COMMD7: variants seen among roughly 807,000 people sequenced by gnomAD.
The protein encoded by COMMD7 is COMM domain containing 7, also known as COMM domain-containing protein 7.
A neutral mutation model predicts 34.8 loss-of-function variants in COMMD7; 28 were observed. The ratio of observed to expected loss-of-function variants is 0.80; its 90% CI spans 0.60 to 1.10. The LOEUF (loss-of-function observed/expected upper bound fraction) is 1.10. COMMD7 is among the 50% of genes least tolerant of loss of function. The pLI is 0.00. For missense variants in COMMD7, 211 were observed against 241.6 expected (o/e 0.87, Z 0.84); for synonymous variants, 80 against 86.4 (o/e 0.93, Z 0.41).
At chr20:32,732,806 G>C (rs1321184604) in intron 1 of COMMD7, among the ~76,000 whole-genome samples, 1 of 151,736 alleles carries the variant, frequency 6.6e-6, no homozygotes, top group Non-Finnish European at 1.5e-5. Flanking sequence ...CTTGGAAGTG[G>C]GCGCCTGTAG....
At chr20:32,707,270 C>T (rs28495034) in intron 3 of COMMD7, among the ~76,000 whole-genome samples, 10 of 124,336 alleles carry the variant, frequency 8.0e-5, no homozygotes, top group South Asian at 2.8e-4. Context: ...GGCAACAGAG[C>T]GAGACTCCGT....
chr20:32,705,077 A>C (rs1983984548), intron 5 of COMMD7, among the ~76,000 whole-genome samples, 173 bp from the exon 6 acceptor site: 1 of 152,036 alleles, frequency 6.6e-6, no homozygotes, highest in South Asian at 2.1e-4. Flanking sequence ...CTAGGGATGG[A>C]GGAGGGCACA....
At chr20:32,729,167 A>ATTTT (rs777073115) in intron 1 of COMMD7, among the ~76,000 whole-genome samples, 1 of 122,986 alleles carries the variant, frequency 8.1e-6, no homozygotes, top group South Asian at 2.7e-4. Context: ...GCTTATTTTG[A>ATTTT]TTTTTTTTTT....
At chr20:32,730,635 A>G (rs773115270) in intron 1 of COMMD7, among the ~76,000 whole-genome samples, 38 of 152,166 alleles carry the variant, frequency 2.5e-4, no homozygotes, top group Non-Finnish European at 4.0e-4. Context: ...CCAGGGTTTA[A>G]AAGACCCAGT....
chr20:32,703,781 C>A (rs1379326107), intron 8 of COMMD7: 19 of 1,511,042 alleles, frequency 1.3e-5, no homozygotes, highest in Non-Finnish European at 1.7e-5. Context: ...CAATCCCAGC[C>A]ATTCCGTTCC....
chr20:32,715,806 C>A (rs1440999682), intron 3 of COMMD7, among the ~76,000 whole-genome samples: 2 of 150,722 alleles, frequency 1.3e-5, no homozygotes, highest in Non-Finnish European at 3.0e-5. Flanking sequence ...GATTCTGTCT[C>A]AAAAAAAATA....
At chr20:32,711,911 G>A (rs533844845) in intron 3 of COMMD7, among the ~76,000 whole-genome samples, 3 of 152,128 alleles carry the variant, frequency 2.0e-5, no homozygotes, top group African/African-American at 4.8e-5. Context: ...TGGGCTGGGC[G>A]TGGTGGCTCG....
chr20:32,703,705 G>C, intron 8 of COMMD7: 1 of 1,439,682 alleles, frequency 6.9e-7, no homozygotes, highest in Non-Finnish European at 9.1e-7. Flanking sequence ...GAGATGAAAG[G>C]GTATCATTCG....
intron 3 of COMMD7, among the ~76,000 whole-genome samples, chr20:32,719,867 G>A (rs1230294549): frequency 1.3e-5 from 2 of 152,076 alleles, no homozygotes; most frequent in Admixed American, 6.6e-5. Flanking sequence ...GGTTAAGACA[G>A]GAGAATCATT....
intron 3 of COMMD7, among the ~76,000 whole-genome samples, chr20:32,722,962 T>C (rs1200743125): frequency 1.3e-5 from 2 of 151,044 alleles, no homozygotes; most frequent in Non-Finnish European, 2.9e-5. Context: ...GAGCTTGCAG[T>C]GAGCTGAGAT....
At chr20:32,705,582 G>C (rs1007489889) in intron 5 of COMMD7, among the ~76,000 whole-genome samples, 5 of 151,692 alleles carry the variant, frequency 3.3e-5, no homozygotes, top group East Asian at 1.9e-4. Flanking sequence ...ACCATGTTAG[G>C]CAGGATGATC....
intron 3 of COMMD7, among the ~76,000 whole-genome samples, chr20:32,717,356 C>A (rs1275687508): frequency 6.8e-6 from 1 of 147,280 alleles, no homozygotes; most frequent in Non-Finnish European, 1.5e-5. Flanking sequence ...GACAGAGTCT[C>A]ACTCTGTCAC....
chr20:32,742,384 GA>G (rs1171059562), intron 1 of COMMD7: 2 of 152,092 alleles, frequency 1.3e-5, no homozygotes, highest in African/African-American at 4.8e-5. Context: ...GTATGGAGAT[GA>G]AAGAAGAGGG....
chr20:32,724,951 TAAAAAAAAAA>T lies in COMMD7; in HGVS notation c.241+2932_241+2941del, dbSNP rs1175774267. ...AGAATTATCAATAAAAAAATAAATT[TAAAAAAAAAA>T]AAAAAAAAAAAAAGACTTGTGGTTC... is the stretch of plus-strand genomic sequence containing the variant. On this transcript the variant is annotated intron_variant, in intron 3 of 8. Transcript: ENST00000278980. 8.6e-4 allele frequency among the ~76,000 whole-genome samples: 12 copies of T among 13,874 alleles called. 4 individuals are homozygous for T. Among genetic ancestry groups the T allele is most frequent in the African/African-American group, 2.8e-3 (12 of 4,312 alleles). The allele number at this position is 13,874 out of a possible 152,430, so 9.1% of individuals were successfully genotyped here.
chr20:32,721,084 G>C (rs1245157436), intron 3 of COMMD7, among the ~76,000 whole-genome samples: 1 of 152,224 alleles, frequency 6.6e-6, no homozygotes, highest in Non-Finnish European at 1.5e-5. Context: ...TATCTCAGAT[G>C]CTGGAAGGGG....
intron 3 of COMMD7, among the ~76,000 whole-genome samples, chr20:32,717,563 C>T (rs897725397): frequency 2.6e-5 from 4 of 150,960 alleles, no homozygotes; most frequent in East Asian, 4.0e-4. Flanking sequence ...TGACCTCAAG[C>T]GATCCGCCCA....
chr20:32,705,157 G>A (rs1406076860), intron 5 of COMMD7, among the ~76,000 whole-genome samples: 1 of 151,834 alleles, frequency 6.6e-6, no homozygotes, highest in African/African-American at 2.4e-5. Context: ...AAAAAAAACA[G>A]TGCTGCCATC....
At chr20:32,704,592 C>G in intron 6 of COMMD7, 103 bp from the exon 7 acceptor site, 1 of 1,268,556 alleles carries the variant, frequency 7.9e-7, no homozygotes, top group South Asian at 1.4e-5. Flanking sequence ...CCAGCAGAAG[C>G]CATGTGGGGG....
At chr20:32,704,970 A>G in intron 5 of COMMD7, 66 bp from the exon 6 acceptor site, 2 of 1,154,684 alleles carry the variant, frequency 1.7e-6, no homozygotes, top group South Asian at 2.5e-5. Context: ...ATCCTGCCCT[A>G]AACATTGCAA....
Sources: gnomAD v4.1 joint callset for allele counts (sites outside exome capture counted in the v4.1 genomes callset) on GRCh38, gnomAD v4.1.1 for gene constraint, MANE v1.5 for transcripts, NCBI Gene and HGNC (gene_info 2026-07-23, HGNC 2026-07-21) for gene names.